The following SSC5D variants were observed in gnomAD, a reference collection of about 807,000 sequenced individuals.
The protein encoded by SSC5D is soluble scavenger receptor cysteine-rich domain-containing protein SSC5D.
Under a neutral mutation model 104.6 loss-of-function variants are expected in SSC5D, and 106 were observed. The ratio of observed to expected loss-of-function variants is 1.01; its 90% CI spans 0.87 to 1.19. The LOEUF is 1.19. Ranked by LOEUF, SSC5D falls within the 50% of genes most tolerant of loss-of-function variation. SSC5D has a pLI of 0.00. For missense variants in SSC5D, 1,993 were observed against 2,153.8 expected, an observed-to-expected ratio of 0.93 and a Z score of 1.48; for synonymous variants, 860 against 883.5, an observed-to-expected ratio of 0.97 and a Z score of 0.47.
intron 12 of SSC5D, among the ~76,000 whole-genome samples, chr19:55,507,084 G>C (rs748639502): frequency 1.8e-4 from 27 of 150,890 alleles, no homozygotes; most frequent in Non-Finnish European, 3.6e-4. Context: ...CAGGAGAATC[G>C]CTTGAACCTG....
At chr19:55,493,470 G>T in intron 6 of SSC5D, 125 bp from the exon 7 acceptor site, 1 of 859,896 alleles carries the variant, frequency 1.2e-6, no homozygotes, top group Non-Finnish European at 1.7e-6. Flanking sequence ...TTCCTCATTT[G>T]GATAGTGAAG....
Position 55,497,976 on chromosome 19 carries a change from G to C in SSC5D, c.1484G>C (p.Ser495Thr). 1 of 1,551,850 alleles carries C rather than the reference G, an allele frequency of 6.4e-7. No homozygotes were observed. ...DQRWGTVCDD[S>T]WDMRDSAVVC... ...CGCTGGGGGACCGTGTGTGACGATA[G>C]CTGGGACATGCGGGATTCAGCTGTG... The change falls in exon 9 of 14, where the codon AGC (serine) becomes ACC (threonine). Residue 495 changes from serine to threonine, a missense_variant. Physicochemically the swap from Ser to Thr is moderately conservative, Grantham distance 58. Around this residue, in one of 6 missense-constraint regions of SSC5D, gnomAD observed 1,101 missense variants for 1,085.0 expected, o/e 1.01. Transcript: ENST00000389623.
intron 12 of SSC5D, among the ~76,000 whole-genome samples, chr19:55,502,625 C>G (rs1158200813): frequency 6.6e-6 from 1 of 152,096 alleles, no homozygotes; most frequent in Non-Finnish European, 1.5e-5. Context: ...CCTTCACCAC[C>G]TCTGTTTCTC....
chr19:55,489,070 C>T (rs1488128311), intron 2 of SSC5D, 38 bp downstream of exon 2: 42 of 1,083,456 alleles, frequency 3.9e-5, no homozygotes, highest in Non-Finnish European at 4.9e-5. Flanking sequence ...CCGCCCCCCC[C>T]CCCAGGCCTC....
At chr19:55,509,425 T>C (rs1987704694) in intron 12 of SSC5D, among the ~76,000 whole-genome samples, 2 of 152,150 alleles carry the variant, frequency 1.3e-5, no homozygotes, top group South Asian at 4.1e-4. Flanking sequence ...ACTGAAGCCA[T>C]ATTTGTGACA....
intron 12 of SSC5D, among the ~76,000 whole-genome samples, chr19:55,511,543 A>C (rs1294602966): frequency 6.6e-6 from 1 of 152,148 alleles, no homozygotes; most frequent in Non-Finnish European, 1.5e-5. Flanking sequence ...TGTCACAAAT[A>C]TGGCTGCTAT....
chr19:55,489,589 G>A lies in SSC5D; in HGVS notation c.288G>A (p.Leu96=), dbSNP rs112573001. ...ELACRGNEGQ[L]GLCHHRGWKA... The stretch of plus-strand genomic sequence containing the variant: ...CTTGCCGGGGCAACGAGGGGCAGCT[G>A]GGCCTCTGCCACCACCGGGGCTGGA... Residue 96 remains leucine (L), a synonymous_variant, in exon 3 of 14, where the codon CTG becomes CTA. Coordinates refer to ENST00000389623, the MANE Select transcript of SSC5D (RefSeq NM_001144950.2). 1 of 1,525,034 alleles carries A rather than the reference G, an allele frequency of 6.6e-7. No individual in the cohort carries two copies. The highest frequency in any genetic ancestry group is 8.8e-7 in the Non-Finnish European group (1 of 1,141,132). 94.5% of individuals were successfully genotyped at this position (1,525,034 alleles called of 1,614,324 possible).
In SSC5D at chr19:55,488,474, G is replaced by A. The variant is rs1215987339; in HGVS notation, c.-116G>A. ...CGTCCAGCCCTGCCTGCTCCTCCTC[G>A]GGCCTGGGCGCCTCCAGCAGGCACT... On this transcript the variant is annotated 5_prime_UTR_variant, in exon 1 of 14. Transcript: ENST00000389623. 6.2e-5 allele frequency: 55 copies of A among 887,984 alleles called. 1 individual carries two copies. The South Asian group carries it at 7.0e-4, about 11-fold the overall frequency. The allele number at this position is 887,984 out of a possible 1,614,324, so 55.0% of individuals were successfully genotyped here.
intron 12 of SSC5D, among the ~76,000 whole-genome samples, chr19:55,506,133 C>T (rs902881710): frequency 1.3e-5 from 2 of 151,688 alleles, no homozygotes; most frequent in African/African-American, 4.9e-5. Context: ...TCCACAAGTC[C>T]CCTTTTGCCA....
rs559023102 is a variant in SSC5D at position 55,499,718 on chromosome 19, G to C, written c.1706-98G>C. The C allele has an allele frequency of 9.4e-5, 85 of 902,084 alleles. No individual in the cohort carries two copies. In the African/African-American group the frequency reaches 1.3e-3, roughly 14 times the overall value. 55.9% of individuals were successfully genotyped at this position (902,084 alleles called of 1,614,324 possible). ...TAAATGAATGAATGATGAATGAATG[G>C]GAACTGGGTGAGTGACTGGAGAGAA... On this transcript the variant is annotated intron_variant, in intron 9 of 13. Coordinates refer to ENST00000389623, the MANE Select transcript of SSC5D (RefSeq NM_001144950.2).
At chr19:55,488,761 A>G (rs912428502) in intron 1 of SSC5D, 147 bp downstream of exon 1, 7 of 767,326 alleles carry the variant, frequency 9.1e-6, no homozygotes, top group Non-Finnish European at 1.1e-5. Context: ...ATCCCTGCTC[A>G]ATCTGCCCAG....
rs1475168918 is a variant in SSC5D at position 55,493,918 on chromosome 19, G to A, written c.1213+6G>A. 31 of 1,539,792 alleles carry A rather than the reference G, an allele frequency of 2.0e-5. No homozygotes were observed. Among genetic ancestry groups the A allele is most frequent in the Non-Finnish European group, 2.6e-5 (30 of 1,145,994 alleles). On this transcript the variant is annotated splice_donor_region_variant and intron_variant, in intron 7 of 13. Transcript: ENST00000389623. ...CGCCGGGGCCGTGTGTGACGGTGAG[G>A]GGGTTGTGGTGGAGGACCGGGAGGT...
intron 8 of SSC5D, among the ~76,000 whole-genome samples, 175 bp downstream of exon 8, chr19:55,494,958 CGT>C (rs1397917678): frequency 6.6e-6 from 1 of 151,946 alleles, no homozygotes; most frequent in Non-Finnish European, 1.5e-5. Context: ...CGTCTGGGAG[CGT>C]GTGATAATTC....
At chr19:55,505,819 C>T (rs894190669) in intron 12 of SSC5D, among the ~76,000 whole-genome samples, 4 of 151,782 alleles carry the variant, frequency 2.6e-5, no homozygotes, top group African/African-American at 7.3e-5. Flanking sequence ...TCACTGCAGC[C>T]TCTGCTGCCC....
intron 1 of SSC5D, 27 bp downstream of exon 1, chr19:55,488,641 TCGG>T: frequency 1.3e-6 from 2 of 1,548,006 alleles, no homozygotes; most frequent in Non-Finnish European, 1.7e-6. Flanking sequence ...CCTTGGGGAC[TCGG>T]GGGGCCTAGG....
intron 12 of SSC5D, among the ~76,000 whole-genome samples, chr19:55,507,548 C>T: frequency 6.6e-6 from 1 of 150,642 alleles, no homozygotes; most frequent in Non-Finnish European, 1.5e-5. Context: ...TGCCTATAAT[C>T]CCAGCTACTC....
chr19:55,502,921 T>G (rs1987543611), intron 12 of SSC5D, among the ~76,000 whole-genome samples: 1 of 152,120 alleles, frequency 6.6e-6, no homozygotes, highest in African/African-American at 2.4e-5. Context: ...GTTCAAGTGA[T>G]TCTCCTGCCT....
chr19:55,490,705 A>G, intron 5 of SSC5D, 67 bp from the exon 6 acceptor site: 1 of 1,427,656 alleles, frequency 7.0e-7, no homozygotes, highest in Non-Finnish European at 9.2e-7. Context: ...CCCAGGTGGA[A>G]ATCGAGGAAG....
intron 12 of SSC5D, chr19:55,504,179 C>A: frequency 6.5e-7 from 1 of 1,535,118 alleles, no homozygotes; most frequent in Middle Eastern, 1.7e-4. Context: ...GTTGCAGCGC[C>A]TCCCTAGCCC....
Sources: gnomAD v4.1 joint callset for allele counts (sites outside exome capture counted in the v4.1 genomes callset) on GRCh38, gnomAD v4.1.1 for gene constraint, gnomAD v4.1.1 regional missense constraint, MANE v1.5 for transcripts, NCBI Gene and HGNC (gene_info 2026-07-23, HGNC 2026-07-21) for gene names.